The following TEX101 variants were observed in gnomAD, a reference collection of about 807,000 sequenced individuals.
TEX101 encodes testis-expressed protein 101.
In TEX101, 10 loss-of-function variants were observed where a neutral mutation model predicts 18.1. That is an observed-to-expected ratio of 0.55 (90% CI 0.34 to 0.94). TEX101 has a LOEUF of 0.94. Among genes scored for constraint, TEX101 ranks in the 40% least tolerant of loss-of-function variants. TEX101 has a pLI of 0.02. For missense variants in TEX101, 259 were observed against 298.9 expected (o/e 0.87, Z 0.98); for synonymous variants, 94 against 114.8 (o/e 0.82, Z 1.16).
chr19:43,389,223 C>T, the TEX101 span, among the ~76,000 whole-genome samples: 1 of 152,210 alleles, frequency 6.6e-6, no homozygotes, highest in Non-Finnish European at 1.5e-5. Flanking sequence ...GGGGAATGTT[C>T]TGTCTTCCCA....
chr19:43,392,559 G>C, the TEX101 span, among the ~76,000 whole-genome samples: 1 of 152,016 alleles, frequency 6.6e-6, no homozygotes, highest in Non-Finnish European at 1.5e-5. Flanking sequence ...AGAACCAAAA[G>C]AGCACCCAAG....
chr19:43,398,734 C>G (rs956821679), upstream of TEX101, among the ~76,000 whole-genome samples: 32 of 152,280 alleles, frequency 2.1e-4, no homozygotes, highest in Admixed American at 1.0e-3. Flanking sequence ...CATCATCAAA[C>G]TGAAACCTGC....
upstream of TEX101, among the ~76,000 whole-genome samples, chr19:43,399,789 G>A: frequency 6.7e-6 from 1 of 149,908 alleles, no homozygotes; most frequent in Non-Finnish European, 1.5e-5. Context: ...CTCCAAGTTG[G>A]CTCCTATGTC....
intron 2 of TEX101, among the ~76,000 whole-genome samples, chr19:43,403,413 C>T (rs1456417030): frequency 1.3e-5 from 2 of 151,994 alleles, no homozygotes; most frequent in African/African-American, 2.4e-5. Context: ...AATGAGAACA[C>T]TTGGACACCG....
the TEX101 span, among the ~76,000 whole-genome samples, chr19:43,395,804 C>T: frequency 0.75 from 113,476 of 152,178 alleles, 42,462 homozygotes; most frequent in East Asian, 0.92. Context: ...AGGCAGGAGC[C>T]TCCGTGGCTC....
chr19:43,416,324 CA>C lies in TEX101; in HGVS notation c.209-47del, dbSNP rs754602965. On this transcript the variant is annotated intron_variant, in intron 3 of 5. Transcript: ENST00000598265. ...CAATGCTTGTTCCCTTCGTCCAGGC[CA>C]ATTGTGACGGCCACCATCCATTTCC... 8 of 1,589,902 alleles carry C rather than the reference CA, an allele frequency of 5.0e-6. No homozygotes were observed. In the South Asian group the frequency reaches 9.2e-5, roughly 18 times the overall value.
At chr19:43,414,557 A>C (rs1380741851), upstream of TEX101, among the ~76,000 whole-genome samples, 1 of 152,146 alleles carries the variant, frequency 6.6e-6, no homozygotes, top group Non-Finnish European at 1.5e-5. Context: ...TCCGTGAGTG[A>C]GGGCCAAGGG....
chr19:43,405,309 C>T (rs1364912787), intron 2 of TEX101, among the ~76,000 whole-genome samples: 1 of 152,122 alleles, frequency 6.6e-6, no homozygotes. Flanking sequence ...TGGCTCACAC[C>T]TGTAATCCCA....
At chr19:43,414,166 A>G (rs1406047307), upstream of TEX101, among the ~76,000 whole-genome samples, 6 of 151,286 alleles carry the variant, frequency 4.0e-5, no homozygotes, top group Admixed American at 6.6e-5. Flanking sequence ...GAGGGGAGGG[A>G]AGGGAAGGTT....
In TEX101 at chr19:43,414,910, G is replaced by A; in HGVS notation, c.-168G>A. 2 of 985,514 alleles carry A rather than the reference G, an allele frequency of 2.0e-6. No individual in the cohort carries two copies. The highest frequency in any genetic ancestry group is 2.4e-6 in the Non-Finnish European group (2 of 829,968). The allele number at this position is 985,514 out of a possible 1,614,324, so 61.0% of individuals were successfully genotyped here. The stretch of plus-strand genomic sequence containing the variant: ...GTCGTAAGAGAATGCCAAGCCCGGG[G>A]AGAAGGCGTTCCGGGCCTCAACTTT... On this transcript the variant is annotated 5_prime_UTR_variant, in exon 1 of 6. Transcript: ENST00000598265.
chr19:43,415,838 T>A (rs762189278), intron 1 of TEX101, 43 bp from the exon 2 acceptor site: 1 of 1,572,470 alleles, frequency 6.4e-7, no homozygotes, highest in Non-Finnish European at 8.7e-7. Flanking sequence ...TCTCATGCAC[T>A]CTGGCTGAAA....
At chr19:43,397,852 T>G (rs1970282509), upstream of TEX101, among the ~76,000 whole-genome samples, 1 of 105,974 alleles carries the variant, frequency 9.4e-6, no homozygotes, top group Non-Finnish European at 1.8e-5. Context: ...AAATATATAA[T>G]ATATATAAAT....
the TEX101 span, among the ~76,000 whole-genome samples, chr19:43,391,607 T>C: frequency 1.4e-4 from 22 of 152,178 alleles, no homozygotes. Context: ...GTTCTGCTTC[T>C]TGTTTTTCTC....
At chr19:43,396,024 C>T in the TEX101 span, among the ~76,000 whole-genome samples, 4 of 152,328 alleles carry the variant, frequency 2.6e-5, no homozygotes, top group South Asian at 6.2e-4. Context: ...CTGTGGGTCC[C>T]GAAACCTTCC....
chr19:43,413,761 T>C (rs529946386), upstream of TEX101, among the ~76,000 whole-genome samples: 1 of 151,960 alleles, frequency 6.6e-6, no homozygotes, highest in African/African-American at 2.4e-5. Flanking sequence ...AAGACCAGCC[T>C]GGTCAACACG....
chr19:43,399,740 T>C (rs1244896649), upstream of TEX101, among the ~76,000 whole-genome samples: 2 of 152,142 alleles, frequency 1.3e-5, no homozygotes, highest in Non-Finnish European at 2.9e-5. Context: ...ACACTTTCTT[T>C]TGATGCTCGA....
At chr19:43,406,471 G>C (rs769055635) in exon 3 of TEX101, 4 of 769,716 alleles carry the variant, frequency 5.2e-6, no homozygotes, top group Non-Finnish European at 9.7e-6. Context: ...GAGGGGGATC[G>C]GTGGGCGGTC....
intron 4 of TEX101, 32 bp from the exon 5 acceptor site, chr19:43,417,846 T>G: frequency 6.2e-7 from 1 of 1,613,060 alleles, no homozygotes; most frequent in Non-Finnish European, 8.5e-7. Context: ...AGGCAGGACC[T>G]GCCCTTAACT....
chr19:43,404,796 TTACTC>T (rs1415679878), intron 2 of TEX101, among the ~76,000 whole-genome samples: 2 of 151,430 alleles, frequency 1.3e-5, no homozygotes, highest in Non-Finnish European at 2.9e-5. Flanking sequence ...TGTGTGCACT[TTACTC>T]TGTTTTTTAT....
Sources: allele counts gnomAD v4.1 joint callset (sites outside exome capture counted in the v4.1 genomes callset), GRCh38; gene constraint gnomAD v4.1.1; transcripts MANE v1.5; gene names NCBI Gene and HGNC (gene_info 2026-07-23, HGNC 2026-07-21).